RBMS3: variants seen among roughly 807,000 people sequenced by gnomAD.
RBMS3 encodes the protein RNA binding motif single stranded interacting protein 3.
In RBMS3, 27 loss-of-function variants were observed where a neutral mutation model predicts 66.8. The ratio of observed to expected loss-of-function variants is 0.40; its 90% CI spans 0.30 to 0.56. RBMS3 has a LOEUF of 0.56. Among genes scored for constraint, RBMS3 ranks in the 20% least tolerant of loss-of-function variants. The pLI, the probability that RBMS3 is intolerant of heterozygous loss-of-function variation, is 0.40. For missense variants in RBMS3, 513 were observed against 549.5 expected (o/e 0.93, Z 0.66); for synonymous variants, 188 against 183.0 (o/e 1.03, Z -0.22).
At chr3:29,688,058 T>C (rs1051965778) in intron 4 of RBMS3, among the ~76,000 whole-genome samples, 1 of 152,180 alleles carries the variant, frequency 6.6e-6, no homozygotes, top group African/African-American at 2.4e-5. Flanking sequence ...GATATTATTT[T>C]CACCCAGCTC....
intron 3 of RBMS3, among the ~76,000 whole-genome samples, chr3:29,519,148 T>C (rs1172592686): frequency 6.6e-5 from 10 of 152,204 alleles, no homozygotes; most frequent in Non-Finnish European, 1.3e-4. Flanking sequence ...TAGAAAGCAA[T>C]TTGTCCATGT....
intron 1 of RBMS3, among the ~76,000 whole-genome samples, chr3:29,297,603 G>A (rs2033365251): frequency 1.3e-5 from 2 of 151,564 alleles, no homozygotes; most frequent in Non-Finnish European, 2.9e-5. Flanking sequence ...ATTTTGTTTT[G>A]GAAAGGAGTG....
intron 1 of RBMS3, among the ~76,000 whole-genome samples, chr3:29,351,658 A>G (rs1487204980): frequency 6.6e-6 from 1 of 151,942 alleles, no homozygotes; most frequent in African/African-American, 2.4e-5. Flanking sequence ...GATTTTCCCC[A>G]ATTAGTTTTC....
intron 6 of RBMS3, among the ~76,000 whole-genome samples, chr3:29,822,358 G>A (rs2058096203): frequency 6.6e-6 from 1 of 152,142 alleles, no homozygotes; most frequent in Non-Finnish European, 1.5e-5. Flanking sequence ...ATTCTTCAAT[G>A]ATGTCTAAGG....
At chr3:30,001,689 T>A (rs1699615784) in intron 14 of RBMS3, among the ~76,000 whole-genome samples, 1 of 151,988 alleles carries the variant, frequency 6.6e-6, no homozygotes, top group African/African-American at 2.4e-5. Context: ...AATAATACAT[T>A]GTATGTGCAC....
intron 1 of RBMS3, among the ~76,000 whole-genome samples, chr3:29,428,585 AAAAG>A (rs2041054167): frequency 2.0e-5 from 3 of 151,616 alleles, no homozygotes; most frequent in Admixed American, 2.0e-4. Flanking sequence ...AAAAAAAAAA[AAAAG>A]AAGAAAACAC....
chr3:29,853,250 C>A (rs1576997184), intron 6 of RBMS3, among the ~76,000 whole-genome samples: 1 of 151,984 alleles, frequency 6.6e-6, no homozygotes. Flanking sequence ...GCACAACCAA[C>A]CCCCATGACA....
intron 6 of RBMS3, among the ~76,000 whole-genome samples, chr3:29,809,223 A>G (rs2057651701): frequency 6.6e-6 from 1 of 151,606 alleles, no homozygotes; most frequent in African/African-American, 2.4e-5. Flanking sequence ...TCGAAAGTTC[A>G]TTGGAGAATT....
chr3:29,473,856 G>C (rs1429420597), intron 2 of RBMS3, among the ~76,000 whole-genome samples: 1 of 152,216 alleles, frequency 6.6e-6, no homozygotes, highest in South Asian at 2.1e-4. Context: ...AGCGCCGCGC[G>C]CAGCCCCGGT....
chr3:29,342,347 T>C (rs1482172336), intron 1 of RBMS3, among the ~76,000 whole-genome samples: 5 of 152,282 alleles, frequency 3.3e-5, no homozygotes, highest in African/African-American at 1.2e-4. Context: ...GGACAGATAA[T>C]GGTAAATCTT....
At chr3:29,413,816 G>T (rs2040372589) in intron 1 of RBMS3, among the ~76,000 whole-genome samples, 2 of 152,182 alleles carry the variant, frequency 1.3e-5, no homozygotes, top group Non-Finnish European at 2.9e-5. Context: ...ATAAATAACT[G>T]AGTAGATCCT....
At chr3:29,528,323 G>A (rs1447298366) in intron 3 of RBMS3, among the ~76,000 whole-genome samples, 2 of 151,962 alleles carry the variant, frequency 1.3e-5, no homozygotes, top group Admixed American at 1.3e-4. Context: ...ATGTTGACCA[G>A]GCTGGTCTCA....
intron 6 of RBMS3, among the ~76,000 whole-genome samples, chr3:29,811,082 A>T (rs540275567): frequency 3.1e-4 from 47 of 152,140 alleles, no homozygotes; most frequent in Non-Finnish European, 5.6e-4. Flanking sequence ...TTTAAGTCTA[A>T]ATCCTGTGGT....
chr3:29,674,980 A>G (rs1310749847), intron 4 of RBMS3, among the ~76,000 whole-genome samples: 2 of 152,236 alleles, frequency 1.3e-5, no homozygotes, highest in African/African-American at 4.8e-5. Flanking sequence ...AGCTGGAGGC[A>G]TCACGCTACC....
At chr3:29,888,475 C>T (rs895239206) in intron 8 of RBMS3, among the ~76,000 whole-genome samples, 3 of 151,680 alleles carry the variant, frequency 2.0e-5, no homozygotes, top group Non-Finnish European at 4.4e-5. Context: ...ATCCTACCCA[C>T]TTTTACTAAT....
intron 6 of RBMS3, among the ~76,000 whole-genome samples, chr3:29,838,640 C>G (rs1392803784): frequency 3.3e-5 from 5 of 152,110 alleles, no homozygotes; most frequent in African/African-American, 4.8e-5. Flanking sequence ...ACATTTAACG[C>G]TGGAGGGTTT....
chr3:29,709,502 A>C (rs2053062023), intron 4 of RBMS3, among the ~76,000 whole-genome samples: 1 of 152,190 alleles, frequency 6.6e-6, no homozygotes, highest in South Asian at 2.1e-4. Context: ...TGAAGCTTTT[A>C]TAGTTTTTGA....
intron 1 of RBMS3, among the ~76,000 whole-genome samples, chr3:29,366,008 GAA>G (rs1281891635): frequency 3.3e-5 from 5 of 152,024 alleles, no homozygotes; most frequent in African/African-American, 1.2e-4. Context: ...TTGACTGAAG[GAA>G]AAAAGTCACA....
chr3:29,438,612 A>G (rs1175674492), intron 2 of RBMS3, among the ~76,000 whole-genome samples: 3 of 152,224 alleles, frequency 2.0e-5, no homozygotes, highest in Non-Finnish European at 4.4e-5. Context: ...ATTTTACTCT[A>G]TGGAAAAATC....
Sources: gnomAD v4.1 joint callset for allele counts (sites outside exome capture counted in the v4.1 genomes callset) on GRCh38, gnomAD v4.1.1 for gene constraint, MANE v1.5 for transcripts, NCBI Gene and HGNC (gene_info 2026-07-23, HGNC 2026-07-21) for gene names.